MTFR2: variants seen among roughly 807,000 people sequenced by gnomAD.
The protein encoded by MTFR2 is mitochondrial fission regulator 2, also known as DUF729 domain-containing protein 1.
MTFR2 carries 44 observed loss-of-function variants against 41.2 expected under a neutral mutation model. The ratio of observed to expected loss-of-function variants is 1.07; its 90% confidence interval spans 0.84 to 1.37. The LOEUF is 1.37. Among genes scored for constraint, MTFR2 ranks in the 40% most tolerant of loss-of-function variants. The probability of loss-of-function intolerance (pLI) is 0.00; values close to 1 mark genes in which losing one functional copy is unlikely to be tolerated. For missense variants in MTFR2, 452 were observed against 459.5 expected, an observed-to-expected ratio of 0.98 and a Z score of 0.15; for synonymous variants, 141 against 154.6, an observed-to-expected ratio of 0.91 and a Z score of 0.65.
chr6:136,242,889 C>A lies in MTFR2; in HGVS notation c.253G>T (p.Asp85Tyr), dbSNP rs780760418. Residue 85 changes from aspartate (D) to tyrosine (Y), a missense_variant, in exon 4 of 8, where the codon GAT (aspartate) becomes TAT (tyrosine). Asp to Tyr is a radical substitution (Grantham distance 160). Coordinates refer to ENST00000420702, the MANE Select transcript of MTFR2 (RefSeq NM_001099286.3). ...AATCTGAGATAACTGGCTTCTTCAT[C>A]ATTTGCCACATACAAAATATCAGCA... ...SFADILYVAN[D>Y]EEASYLRFRN... The A allele has an allele frequency of 1.9e-6, 3 of 1,613,160 alleles. No homozygotes were observed. Among genetic ancestry groups the A allele is most frequent in the Middle Eastern group, 1.7e-4 (1 of 5,982 alleles).
chr6:136,247,517 T>G, intron 2 of MTFR2: 2 of 456,314 alleles, frequency 4.4e-6, no homozygotes, highest in Non-Finnish European at 8.8e-6. Flanking sequence ...TCTTCCTGTC[T>G]GTTTCTTCCA....
At chr6:136,233,523 A>T in intron 6 of MTFR2, 24 bp from the exon 7 acceptor site, 1 of 1,457,900 alleles carries the variant, frequency 6.9e-7, no homozygotes, top group Non-Finnish European at 9.1e-7. Context: ...AAAAAAATTG[A>T]ATTTATTAAA....
chr6:136,232,295 G>T (rs532537726), intron 7 of MTFR2, among the ~76,000 whole-genome samples: 2 of 151,650 alleles, frequency 1.3e-5, no homozygotes, highest in East Asian at 1.9e-4. Context: ...TAGCTCTGTC[G>T]CCAGGCTGGA....
chr6:136,241,045 C>G (rs1211451852), intron 5 of MTFR2, among the ~76,000 whole-genome samples: 1 of 149,624 alleles, frequency 6.7e-6, no homozygotes, highest in African/African-American at 2.5e-5. Context: ...GAGCCAAGAT[C>G]GTGCCACTGC....
intron 5 of MTFR2, among the ~76,000 whole-genome samples, chr6:136,240,881 G>A (rs1057133562): frequency 3.3e-5 from 5 of 152,278 alleles, no homozygotes; most frequent in Admixed American, 1.3e-4. Context: ...CACGAGGTCA[G>A]GAGATCGAGA....
chr6:136,231,893 A>C (rs1779769455), intron 7 of MTFR2, among the ~76,000 whole-genome samples: 1 of 152,100 alleles, frequency 6.6e-6, no homozygotes, highest in African/African-American at 2.4e-5. Flanking sequence ...ACCAAGTTCT[A>C]GTCTCTGCTC....
At chr6:136,245,159 T>C (rs1780184034) in intron 2 of MTFR2, among the ~76,000 whole-genome samples, 1 of 137,286 alleles carries the variant, frequency 7.3e-6, no homozygotes, top group South Asian at 2.1e-4. Flanking sequence ...CTATTTCTGA[T>C]AATGTCCAAT....
At chr6:136,245,992 C>T (rs1037467455) in intron 2 of MTFR2, among the ~76,000 whole-genome samples, 1 of 152,084 alleles carries the variant, frequency 6.6e-6, no homozygotes, top group Non-Finnish European at 1.5e-5. Context: ...ATATAGATCC[C>T]AGACCTATTA....
At chr6:136,235,914 G>C (rs1038513057) in intron 6 of MTFR2, among the ~76,000 whole-genome samples, 18 of 152,050 alleles carry the variant, frequency 1.2e-4, no homozygotes, top group Admixed American at 2.6e-4. Flanking sequence ...CCTGGCAACA[G>C]AGCGAGACTC....
intron 6 of MTFR2, among the ~76,000 whole-genome samples, chr6:136,234,555 T>C (rs1779855428): frequency 1.3e-5 from 2 of 151,844 alleles, no homozygotes; most frequent in Non-Finnish European, 2.9e-5. Flanking sequence ...ACATGGGGCA[T>C]AGGAGAGGAG....
chr6:136,242,480 T>C (rs957615204), intron 4 of MTFR2, among the ~76,000 whole-genome samples: 1 of 152,228 alleles, frequency 6.6e-6, no homozygotes, highest in African/African-American at 2.4e-5. Context: ...ACACTTAATG[T>C]GCTTAGAGCC....
Position 136,233,422 on chromosome 6 carries a change from G to T in MTFR2, c.947C>A (p.Ala316Glu). 6.2e-7 allele frequency: 1 copy of T among 1,606,732 alleles called. No individual in the cohort carries two copies. Residue 316 changes from alanine to glutamate, a missense_variant, in exon 7 of 8, where the codon GCA becomes GAA. Ala to Glu is a moderately radical substitution (Grantham distance 107). Transcript: ENST00000420702. Reference protein sequence around the residue: ...HWDPVSLISHALKQKFAFQED... With the variant: ...HWDPVSLISHELKQKFAFQED... ...TTGAAATGCAAATTTCTGTTTAAGTGCATGAGATATTAAAGAAACTGGATC... is the reference window on the plus strand; with the variant it reads ...TTGAAATGCAAATTTCTGTTTAAGTTCATGAGATATTAAAGAAACTGGATC...
chr6:136,240,427 ATATCT>A (rs2128458162), intron 5 of MTFR2, among the ~76,000 whole-genome samples: 1 of 151,810 alleles, frequency 6.6e-6, no homozygotes, highest in Non-Finnish European at 1.5e-5. Context: ...CACTGTATAA[ATATCT>A]TAAATTATAT....
chr6:136,240,605 A>C (rs878877051), intron 5 of MTFR2, among the ~76,000 whole-genome samples: 2 of 152,218 alleles, frequency 1.3e-5, no homozygotes, highest in Admixed American at 1.3e-4. Context: ...ATGTGTGTGC[A>C]TAAGTTTAAA....
At chr6:136,242,350 A>C (rs894924606) in intron 4 of MTFR2, among the ~76,000 whole-genome samples, 5 of 152,200 alleles carry the variant, frequency 3.3e-5, no homozygotes, top group African/African-American at 1.2e-4. Context: ...GTTCTATATA[A>C]GTTAATAAAG....
At chr6:136,233,214 TA>T in intron 7 of MTFR2, 110 bp downstream of exon 7, 1 of 844,112 alleles carries the variant, frequency 1.2e-6, no homozygotes. Flanking sequence ...AATAAACAAT[TA>T]TATAGCCCAT....
intron 6 of MTFR2, among the ~76,000 whole-genome samples, chr6:136,234,294 C>T (rs1395116442): frequency 7.2e-6 from 1 of 138,218 alleles, no homozygotes; most frequent in East Asian, 2.1e-4. Context: ...GACAGAGCAA[C>T]ACCCTGTCTC....
chr6:136,235,928 C>T (rs1779893978), intron 6 of MTFR2, among the ~76,000 whole-genome samples: 1 of 151,004 alleles, frequency 6.6e-6, no homozygotes, highest in Non-Finnish European at 1.5e-5. Flanking sequence ...GAGACTCCGT[C>T]TCAAAAAAAA....
chr6:136,235,859 G>C (rs1012428141), intron 6 of MTFR2, among the ~76,000 whole-genome samples: 1 of 152,166 alleles, frequency 6.6e-6, no homozygotes, highest in Admixed American at 6.5e-5. Flanking sequence ...TTGAATCCAG[G>C]AGGCAGAGGT....
Sources: gnomAD v4.1 joint callset for allele counts (sites outside exome capture counted in the v4.1 genomes callset) on GRCh38, gnomAD v4.1.1 for gene constraint, MANE v1.5 for transcripts, NCBI Gene and HGNC (gene_info 2026-07-23, HGNC 2026-07-21) for gene names.